The following SERF1B variants were observed in gnomAD, a reference collection of about 807,000 sequenced individuals.
SERF1B encodes the protein small EDRK-rich factor 1B.
intron 2 of SERF1B, chr5:70,032,711 G>GT: frequency 9.2e-3 from 26 of 2,826 alleles, no homozygotes; most frequent in East Asian, 0.016. Flanking sequence ...TGTTAACATA[G>GT]TTTTTTTTTC....
At chr5:70,038,413 G>A (rs1450293192) in intron 2 of SERF1B, among the ~76,000 whole-genome samples, 1 of 99,492 alleles carries the variant, frequency 1.0e-5, no homozygotes, top group Non-Finnish European at 2.0e-5. Flanking sequence ...GATCGAGACC[G>A]TCCTGGCTAA....
intron 2 of SERF1B, among the ~76,000 whole-genome samples, chr5:70,038,149 T>A: frequency 6.7e-6 from 1 of 148,658 alleles, no homozygotes; most frequent in Non-Finnish European, 1.5e-5. Context: ...GACATAATCC[T>A]ATTAAATACT....
intron 2 of SERF1B, among the ~76,000 whole-genome samples, chr5:70,036,625 ACACACTCT>A (rs1394719508): frequency 8.3e-4 from 43 of 51,728 alleles, no homozygotes; most frequent in African/African-American, 1.6e-3. Context: ...ACACACACAC[ACACACTCT>A]CTCTCTCTCT....
At chr5:70,036,629 A>ACTCTCTCTCTCTCTCTCTCTCTCT (rs1554065559) in intron 2 of SERF1B, among the ~76,000 whole-genome samples, 3 of 49,880 alleles carry the variant, frequency 6.0e-5, no homozygotes, top group East Asian at 7.9e-4. Context: ...ACACACACAC[A>ACTCTCTCTCTCTCTCTCTCTCTCT]CTCTCTCTCT....
intron 2 of SERF1B, among the ~76,000 whole-genome samples, 154 bp from the exon 3 acceptor site, chr5:70,041,370 A>G (rs1196615911): frequency 6.6e-6 from 1 of 151,170 alleles, no homozygotes; most frequent in East Asian, 1.9e-4. Context: ...ACCAATGTTA[A>G]TAATGGTATA....
chr5:70,035,386 T>TTATTATTATTA (rs1423456519), intron 2 of SERF1B, among the ~76,000 whole-genome samples: 1 of 123,346 alleles, frequency 8.1e-6, no homozygotes, highest in African/African-American at 3.0e-5. Context: ...TATTATTATT[T>TTATTATTATTA]TTTTTTTTTT....
rs1298903568 is a variant in SERF1B at position 70,041,798 on chromosome 5, CTG to C, written c.*60_*61del. ...AAATCCTTAATTTCATCTACAAAAA[CTG>C]TTTTCCCAAATAGGTCACATTCACG... On this transcript the variant is annotated 3_prime_UTR_variant, in exon 3 of 3. Transcript: ENST00000380750. 1 of 577,468 alleles carries C rather than the reference CTG, an allele frequency of 1.7e-6. No homozygotes were observed. Among genetic ancestry groups the C allele is most frequent in the African/African-American group, 2.0e-5 (1 of 48,968 alleles). The allele number at this position is 577,468 out of a possible 1,614,324, so 35.8% of individuals were successfully genotyped here. A position where few individuals can be genotyped will look rare whatever the true frequency, so the allele number is the denominator to read the frequency against.
chr5:70,036,627 A>ACTCTCTCTCTCTCTCTCTCTCT (rs1190752176), intron 2 of SERF1B, among the ~76,000 whole-genome samples: 7 of 50,306 alleles, frequency 1.4e-4, no homozygotes, highest in African/African-American at 3.8e-4. Flanking sequence ...ACACACACAC[A>ACTCTCTCTCTCTCTCTCTCTCT]CACTCTCTCT....
intron 2 of SERF1B, among the ~76,000 whole-genome samples, chr5:70,028,987 C>T (rs1282165536): frequency 6.6e-6 from 1 of 151,336 alleles, no homozygotes; most frequent in Non-Finnish European, 1.5e-5. Context: ...AAAAAAAAAA[C>T]CTTTATGTGT....
intron 2 of SERF1B, chr5:70,029,718 C>T (rs1165196562): frequency 2.2e-6 from 1 of 454,846 alleles, no homozygotes; most frequent in Admixed American, 2.4e-5. Flanking sequence ...AGATTAAAGA[C>T]CTTAATTTAA....
intron 2 of SERF1B, chr5:70,030,040 C>T (rs1476112407): frequency 3.3e-5 from 8 of 243,530 alleles, no homozygotes; most frequent in Non-Finnish European, 5.4e-5. Context: ...AGCCACTATG[C>T]CCGGCCCTAA....
At chr5:70,038,289 G>C (rs984490716) in intron 2 of SERF1B, among the ~76,000 whole-genome samples, 1 of 146,520 alleles carries the variant, frequency 6.8e-6, no homozygotes, top group Non-Finnish European at 1.5e-5. Context: ...TTCATACAGA[G>C]TTACGTATTT....
chr5:70,029,053 A>G (rs1441105153), intron 2 of SERF1B, among the ~76,000 whole-genome samples: 7 of 152,010 alleles, frequency 4.6e-5, no homozygotes, highest in Non-Finnish European at 1.0e-4. Flanking sequence ...TCAAACATTT[A>G]TCTTTCATCC....
chr5:70,037,971 CAAAA>C lies in SERF1B; in HGVS notation c.117-3545_117-3542del, dbSNP rs1186882673. 2.9e-4 allele frequency among the ~76,000 whole-genome samples: 26 copies of C among 88,598 alleles called. 5 individuals carry two copies. Among genetic ancestry groups the C allele is most frequent in the Admixed American group, 2.0e-3 (19 of 9,550 alleles). 58.1% of individuals were successfully genotyped at this position (88,598 alleles called of 152,430 possible). ...ACAAGACTCTGTCTCAAAAAAAAAA[CAAAA>C]AAAAAAACATACAAACCGAATTTCC... On this transcript the variant is annotated intron_variant, in intron 2 of 2. Coordinates refer to ENST00000380750, the MANE Select transcript of SERF1B (RefSeq NM_022978.3).
chr5:70,028,931 C>A (rs1390231721), intron 2 of SERF1B, among the ~76,000 whole-genome samples: 1 of 151,460 alleles, frequency 6.6e-6, no homozygotes, highest in African/African-American at 2.4e-5. Flanking sequence ...GAGCTGAGAT[C>A]GCGCCACCGC....
chr5:70,038,422 A>G (rs975887218), intron 2 of SERF1B, among the ~76,000 whole-genome samples: 1 of 97,486 alleles, frequency 1.0e-5, no homozygotes, highest in African/African-American at 4.5e-5. Context: ...CGTCCTGGCT[A>G]ACATGGTGAA....
At chr5:70,036,940 CCTTCA>C (rs1481109407) in intron 2 of SERF1B, among the ~76,000 whole-genome samples, 1 of 48,598 alleles carries the variant, frequency 2.1e-5, no homozygotes, top group Admixed American at 2.2e-4. Context: ...TTTTTTCACA[CCTTCA>C]CTTCTTAAAA....
At chr5:70,037,519 T>G (rs1464432662) in intron 2 of SERF1B, among the ~76,000 whole-genome samples, 3 of 148,430 alleles carry the variant, frequency 2.0e-5, no homozygotes, top group South Asian at 2.1e-4. Context: ...TATGGTGGTG[T>G]GTGCCTGTAA....
intron 2 of SERF1B, among the ~76,000 whole-genome samples, chr5:70,036,520 A>C (rs1324682852): frequency 2.7e-5 from 3 of 109,454 alleles, no homozygotes; most frequent in Non-Finnish European, 5.3e-5. Flanking sequence ...CCAGAAGGTC[A>C]AGGCTGCAGT....
Sources: gnomAD v4.1 joint callset for allele counts (sites outside exome capture counted in the v4.1 genomes callset) on GRCh38, gnomAD v4.1.1 for gene constraint, MANE v1.5 for transcripts, NCBI Gene and HGNC (gene_info 2026-07-23, HGNC 2026-07-21) for gene names.